TCF4: variants seen among roughly 807,000 people sequenced by gnomAD.
TCF4 encodes transcription factor 4, also known as SL3-3 enhancer factor 2.
A neutral mutation model predicts 82.1 loss-of-function variants in TCF4; 3 were observed. That is an observed-to-expected ratio of 0.04 (90% CI 0.02 to 0.09). The LOEUF (loss-of-function observed/expected upper bound fraction) is 0.09. TCF4 is among the 10% of genes least tolerant of loss of function. The pLI is 1.00. For missense variants in TCF4, 518 were observed against 852.7 expected, an observed-to-expected ratio of 0.61 and a Z score of 4.89; for synonymous variants, 276 against 309.6, an observed-to-expected ratio of 0.89 and a Z score of 1.14.
intron 3 of TCF4, among the ~76,000 whole-genome samples, chr18:55,567,188 A>T (rs890871825): frequency 6.6e-6 from 1 of 152,230 alleles, no homozygotes; most frequent in Non-Finnish European, 1.5e-5. Flanking sequence ...AAGTGCAATA[A>T]TTATACCAAT....
At chr18:55,430,540 G>A (rs1323383919) in intron 5 of TCF4, among the ~76,000 whole-genome samples, 4 of 152,066 alleles carry the variant, frequency 2.6e-5, no homozygotes, top group East Asian at 1.9e-4. Context: ...CCAAGATCAC[G>A]CAGCTACTGA....
intron 8 of TCF4, among the ~76,000 whole-genome samples, chr18:55,348,132 G>C (rs554906909): frequency 6.6e-6 from 1 of 152,278 alleles, no homozygotes; most frequent in African/African-American, 2.4e-5. Flanking sequence ...GTGGTGGTAA[G>C]CCATGTGGAT....
chr18:55,322,595 AGCT>A (rs1235421896), intron 8 of TCF4, among the ~76,000 whole-genome samples: 1 of 152,090 alleles, frequency 6.6e-6, no homozygotes, highest in African/African-American at 2.4e-5. Context: ...GCCTCCCCGG[AGCT>A]GGTGGGAAGC....
intron 15 of TCF4, among the ~76,000 whole-genome samples, chr18:55,237,526 G>A (rs1247714517): frequency 2.0e-5 from 3 of 147,400 alleles, no homozygotes; most frequent in African/African-American, 7.7e-5. Context: ...CTGGAGTGCA[G>A]GGGTGCAATC....
At chr18:55,333,290 C>T (rs1248780283) in intron 8 of TCF4, among the ~76,000 whole-genome samples, 1 of 152,098 alleles carries the variant, frequency 6.6e-6, no homozygotes, top group Non-Finnish European at 1.5e-5. Flanking sequence ...ACAGAGTTGT[C>T]TGTAAAGATG....
chr18:55,344,724 C>A (rs947442564), intron 8 of TCF4, among the ~76,000 whole-genome samples: 1 of 152,106 alleles, frequency 6.6e-6, no homozygotes, highest in Non-Finnish European at 1.5e-5. Context: ...ATACATCAGG[C>A]ACCACTCCTT....
chr18:55,357,279 A>T (rs559116994), intron 6 of TCF4, among the ~76,000 whole-genome samples: 1 of 152,288 alleles, frequency 6.6e-6, no homozygotes, highest in East Asian at 1.9e-4. Flanking sequence ...GCAAAAAGAA[A>T]ACATTGAGAC....
intron 15 of TCF4, among the ~76,000 whole-genome samples, chr18:55,238,135 T>C (rs2050096788): frequency 6.6e-6 from 1 of 152,244 alleles, no homozygotes; most frequent in Non-Finnish European, 1.5e-5. Flanking sequence ...AAGTCAATTC[T>C]AAGCATGACA....
chr18:55,402,325 A>G (rs2093867809), intron 6 of TCF4: 5 of 660,244 alleles, frequency 7.6e-6, no homozygotes, highest in South Asian at 6.7e-5. Context: ...ACGTAAAGGA[A>G]ACTTTCCTCA....
At position 55,552,046 on chromosome 18, in the gene TCF4, A is replaced by T. The variant is rs138744526; in HGVS notation, c.145+33234T>A. Among the ~76,000 whole-genome samples, 717 of 152,324 alleles carry T rather than the reference A, an allele frequency of 4.7e-3. 1 individual carries two copies. The highest frequency in any genetic ancestry group is 7.7e-3 in the Non-Finnish European group (521 of 68,026). ...AAATTCAAAGGTAACTCTTGAACAC[A>T]CTTTCTTTCAACACTCATTTACTGA... On this transcript the variant is annotated intron_variant, in intron 3 of 19. Transcript: ENST00000354452.
chr18:55,607,025 A>G (rs1233839977), intron 2 of TCF4, among the ~76,000 whole-genome samples: 3 of 152,150 alleles, frequency 2.0e-5, no homozygotes, highest in South Asian at 2.1e-4. Context: ...ACCAGGCACC[A>G]TATGTTCGGC....
intron 8 of TCF4, among the ~76,000 whole-genome samples, chr18:55,301,925 C>T (rs548071292): frequency 5.3e-5 from 8 of 150,854 alleles, no homozygotes; most frequent in African/African-American, 1.9e-4. Context: ...TATATCTTTT[C>T]TAAGTAAACC....
intron 6 of TCF4, among the ~76,000 whole-genome samples, chr18:55,356,782 C>T (rs1349417292): frequency 6.6e-6 from 1 of 152,048 alleles, no homozygotes; most frequent in Non-Finnish European, 1.5e-5. Flanking sequence ...TTTACTTCTC[C>T]ATGACATCAC....
At chr18:55,398,551 G>A (rs2093628950) in intron 6 of TCF4, among the ~76,000 whole-genome samples, 1 of 152,134 alleles carries the variant, frequency 6.6e-6, no homozygotes, top group African/African-American at 2.4e-5. Context: ...GTCTCTCCAC[G>A]GTATGACTTT....
chr18:55,502,778 G>T (rs1484473955), intron 3 of TCF4, among the ~76,000 whole-genome samples: 1 of 152,170 alleles, frequency 6.6e-6, no homozygotes, highest in African/African-American at 2.4e-5. Context: ...TTACATACAA[G>T]TTAAGGAATT....
intron 6 of TCF4, among the ~76,000 whole-genome samples, chr18:55,394,953 C>CT (rs950918005): frequency 5.9e-5 from 9 of 152,146 alleles, no homozygotes; most frequent in African/African-American, 2.2e-4. Context: ...TTTCTAAAGT[C>CT]TTTTTTTCTG....
intron 5 of TCF4, among the ~76,000 whole-genome samples, chr18:55,443,104 C>A (rs1260538809): frequency 2.6e-5 from 4 of 152,188 alleles, no homozygotes; most frequent in African/African-American, 9.7e-5. Context: ...AAGTCAGGTT[C>A]ATCTAACCTT....
intron 5 of TCF4, among the ~76,000 whole-genome samples, chr18:55,419,075 C>A (rs1265610132): frequency 6.6e-6 from 1 of 152,062 alleles, no homozygotes; most frequent in Admixed American, 6.6e-5. Flanking sequence ...ACACCTGATC[C>A]GAGGGGCTTT....
rs182774013 is a variant in TCF4 at position 55,376,132 on chromosome 18, C to T, written c.370-25129G>A. On this transcript the variant is annotated intron_variant, in intron 6 of 19. Transcript: ENST00000354452. ...CACCCCCAGGGCTCAAGGGATCCTCCCACTTCAGCCTCCTGAGTAGCTCAG... is the reference window on the plus strand; with the variant it reads ...CACCCCCAGGGCTCAAGGGATCCTCTCACTTCAGCCTCCTGAGTAGCTCAG... Among the ~76,000 whole-genome samples the T allele has an allele frequency of 4.9e-3, 747 of 151,546 alleles. 4 individuals carry two copies. The highest frequency in any genetic ancestry group is 8.1e-3 in the Admixed American group (123 of 15,220).
Sources: allele counts gnomAD v4.1 joint callset (sites outside exome capture counted in the v4.1 genomes callset), GRCh38; gene constraint gnomAD v4.1.1; transcripts MANE v1.5; gene names NCBI Gene and HGNC (gene_info 2026-07-23, HGNC 2026-07-21).